WASF2: variants seen among roughly 807,000 people sequenced by gnomAD.
The protein encoded by WASF2 is WASP family member 2.
In WASF2, 14 loss-of-function variants were observed where a neutral mutation model predicts 45.0. That is an observed-to-expected ratio of 0.31 (90% CI 0.21 to 0.49). WASF2 has a LOEUF of 0.49. WASF2 is among the 20% of genes least tolerant of loss of function. The probability of loss-of-function intolerance (pLI) is 0.99; values close to 1 mark genes in which losing one functional copy is unlikely to be tolerated. For missense variants in WASF2, 439 were observed against 636.1 expected, an observed-to-expected ratio of 0.69 and a Z score of 3.33; for synonymous variants, 200 against 236.3, an observed-to-expected ratio of 0.85 and a Z score of 1.41.
chr1:27,414,691 A>C lies in WASF2; in HGVS notation c.668+142T>G. 1 of 1,131,834 alleles carries C rather than the reference A, an allele frequency of 8.8e-7. No individual in the cohort carries two copies. The highest frequency in any genetic ancestry group is 1.8e-5 in the South Asian group (1 of 55,146). The allele number at this position is 1,131,834 out of a possible 1,614,324, so 70.1% of individuals were successfully genotyped here. ...TTTCATCACCAGATGGATGCACTTT[A>C]AAGTAGCTGATTAACAGTGGTATTG... On this transcript the variant is annotated intron_variant, in intron 6 of 8. Coordinates refer to ENST00000618852, the MANE Select transcript of WASF2 (RefSeq NM_006990.5). The surrounding 1 kb of genome is among the most constrained non-coding windows in gnomAD (Gnocchi z 4.1).
intron 1 of WASF2, among the ~76,000 whole-genome samples, chr1:27,476,330 G>A (rs571638394): frequency 6.6e-6 from 1 of 152,252 alleles, no homozygotes; most frequent in Admixed American, 6.5e-5. Context: ...TGTGCTCCTG[G>A]GGAGGCTTCA....
chr1:27,409,428 CAAAAAAAAA>C (rs60940665), intron 8 of WASF2, among the ~76,000 whole-genome samples: 8 of 43,690 alleles, frequency 1.8e-4, no homozygotes, highest in Admixed American at 3.5e-4. Context: ...CTGTCCCCCA[CAAAAAAAAA>C]AAAAAAAAAA....
intron 1 of WASF2, among the ~76,000 whole-genome samples, chr1:27,478,232 G>T (rs1230177586): frequency 1.7e-5 from 1 of 59,234 alleles, no homozygotes; most frequent in Non-Finnish European, 3.6e-5. Flanking sequence ...AAAAAGGAAA[G>T]AAAGAAAAGA....
chr1:27,416,368 A>G (rs2016826116), intron 4 of WASF2, among the ~76,000 whole-genome samples: 1 of 152,186 alleles, frequency 6.6e-6, no homozygotes, highest in Non-Finnish European at 1.5e-5. Flanking sequence ...AGGTGATAGC[A>G]GCAGGGATCC....
rs553236199 is a variant in WASF2, at chr1:27,419,373, CA to C, written c.131-286del. On this transcript the variant is annotated intron_variant, in intron 2 of 8. Coordinates refer to ENST00000618852, the MANE Select transcript of WASF2 (RefSeq NM_006990.5). The stretch of plus-strand genomic sequence containing the variant: ...CTGAATAAAACTGAAAGGTGTAATG[CA>C]AAAAATTAAGCCTGGAAGAAAAGAT... Among the ~76,000 whole-genome samples the C allele has an allele frequency of 7.8e-4, 119 of 152,290 alleles. 1 individual carries two copies. Among genetic ancestry groups the C allele is most frequent in the Middle Eastern group, 3.4e-3 (1 of 294 alleles).
chr1:27,442,773 T>A (rs1344911298), intron 1 of WASF2, among the ~76,000 whole-genome samples: 2 of 151,076 alleles, frequency 1.3e-5, no homozygotes, highest in East Asian at 4.0e-4. Context: ...GGGGCCGAGG[T>A]GGGCGGATCA....
intron 1 of WASF2, among the ~76,000 whole-genome samples, chr1:27,441,953 A>T (rs931607819): frequency 1.3e-5 from 2 of 150,698 alleles, no homozygotes; most frequent in Non-Finnish European, 3.0e-5. Context: ...AAAGAAAGAA[A>T]AACTCAGCTG....
intron 1 of WASF2, among the ~76,000 whole-genome samples, chr1:27,460,375 A>G (rs989454799): frequency 8.5e-5 from 13 of 152,338 alleles, no homozygotes; most frequent in African/African-American, 3.1e-4. Context: ...TGAATCAGGT[A>G]AAGGCCTGAG....
chr1:27,423,461 C>T (rs919823930), intron 2 of WASF2, among the ~76,000 whole-genome samples: 7 of 152,092 alleles, frequency 4.6e-5, no homozygotes, highest in African/African-American at 1.4e-4. Context: ...GGATTACAGG[C>T]GTGAGCCACT....
intron 8 of WASF2, 84 bp downstream of exon 8, chr1:27,409,608 G>T: frequency 7.3e-7 from 1 of 1,371,272 alleles, no homozygotes; most frequent in Non-Finnish European, 9.5e-7. Flanking sequence ...AGGGCACAGG[G>T]ACCCCCTCAC....
At chr1:27,419,792 T>C (rs144982397) in intron 2 of WASF2, among the ~76,000 whole-genome samples, 4 of 152,266 alleles carry the variant, frequency 2.6e-5, no homozygotes, top group Non-Finnish European at 5.9e-5. Context: ...AGTGAACAAC[T>C]ATGATCAGTT....
intron 1 of WASF2, among the ~76,000 whole-genome samples, chr1:27,472,034 T>C (rs1481531023): frequency 1.3e-5 from 2 of 152,140 alleles, no homozygotes; most frequent in Non-Finnish European, 2.9e-5. Flanking sequence ...GATTAATCTT[T>C]TAAAAATGGA....
At chr1:27,439,549 C>T (rs1420889868) in intron 1 of WASF2, among the ~76,000 whole-genome samples, 1 of 152,168 alleles carries the variant, frequency 6.6e-6, no homozygotes, top group Non-Finnish European at 1.5e-5. Context: ...AAAATCTCTT[C>T]CCTTGACTCC....
At chr1:27,456,866 G>A (rs893896005) in intron 1 of WASF2, among the ~76,000 whole-genome samples, 1 of 151,718 alleles carries the variant, frequency 6.6e-6, no homozygotes, top group Non-Finnish European at 1.5e-5. Context: ...CTCCCAAGTA[G>A]CTGGGAATAT....
chr1:27,468,469 C>T (rs998062538), intron 1 of WASF2, among the ~76,000 whole-genome samples: 62 of 151,040 alleles, frequency 4.1e-4, no homozygotes, highest in African/African-American at 1.4e-3. Flanking sequence ...GGTGAAATCC[C>T]GTCTCTACTA....
chr1:27,468,138 G>A (rs1030985924), intron 1 of WASF2, among the ~76,000 whole-genome samples: 1 of 151,962 alleles, frequency 6.6e-6, no homozygotes, highest in African/African-American at 2.4e-5. Context: ...TTACCATGTT[G>A]ACCAGGCTGA....
At position 27,422,480 on chromosome 1, in the gene WASF2, G is replaced by A. The variant is rs186319374; in HGVS notation, c.131-3392C>T. Among the ~76,000 whole-genome samples, 582 of 151,926 alleles carry A rather than the reference G, an allele frequency of 3.8e-3. 7 individuals carry two copies. Among genetic ancestry groups the A allele is most frequent in the African/African-American group, 0.011 (452 of 41,414 alleles). The stretch of plus-strand genomic sequence containing the variant: ...TAAAAATACAAAAAATTAGCCAGGC[G>A]TGTTGGTGGGCGCCTGTAGTCCCAG... On this transcript the variant is annotated intron_variant, in intron 2 of 8. Coordinates refer to ENST00000618852, the MANE Select transcript of WASF2 (RefSeq NM_006990.5).
chr1:27,425,838 CAAAAAAA>C (rs57916899), intron 2 of WASF2, among the ~76,000 whole-genome samples: 6 of 50,606 alleles, frequency 1.2e-4, no homozygotes, highest in African/African-American at 3.9e-4. Flanking sequence ...GACTCCGTCT[CAAAAAAA>C]AAAAAAAAAA....
At position 27,408,275 on chromosome 1, in the gene WASF2, T is replaced by C; in HGVS notation, c.1411A>G (p.Thr471Ala). The C allele has an allele frequency of 6.2e-7, 1 of 1,614,194 alleles. No individual in the cohort carries two copies. Among genetic ancestry groups the C allele is most frequent in the Non-Finnish European group, 8.5e-7 (1 of 1,180,042 alleles). The change falls in exon 9 of 9, where the codon ACC becomes GCC. Residue 471 changes from threonine to alanine, a missense_variant. Thr to Ala is a moderately conservative substitution (Grantham distance 58). Coordinates refer to ENST00000618852, the MANE Select transcript of WASF2 (RefSeq NM_006990.5). The part of the protein sequence containing the change: ...KRDVVGNDVA[T>A]ILSRRIAVEY... ...ACAGCAATGCGACGAGACAAGATGG[T>C]GGCCACGTCATTGCCCACAACATCC...
Sources: allele counts gnomAD v4.1 joint callset (sites outside exome capture counted in the v4.1 genomes callset), GRCh38; gene constraint gnomAD v4.1.1; non-coding constraint Gnocchi (gnomAD v3.1); transcripts MANE v1.5; gene names NCBI Gene and HGNC (gene_info 2026-07-23, HGNC 2026-07-21).